UTRN: variants seen among roughly 807,000 people sequenced by gnomAD.
The protein encoded by UTRN is dystrophin-related protein 1.
A neutral mutation model predicts 463.9 loss-of-function variants in UTRN; 283 were observed. The observed-to-expected ratio is 0.61, with a 90% CI of 0.55 to 0.67. UTRN has a LOEUF of 0.67. UTRN is among the 30% of genes least tolerant of loss of function. The pLI is 0.00. For synonymous variants in UTRN, 1,442 were observed against 1,431.5 expected (o/e 1.01, Z -0.17); for missense variants, 3,922 against 4,084.3 (o/e 0.96, Z 1.08).
At chr6:144,568,701 GGAGGT>G (rs1390569764) in intron 50 of UTRN, among the ~76,000 whole-genome samples, 1 of 152,156 alleles carries the variant, frequency 6.6e-6, no homozygotes, top group Non-Finnish European at 1.5e-5. Context: ...AACTAGGGAT[GGAGGT>G]GAGAGTGGAG....
chr6:144,725,538 A>G (rs1194374484), intron 53 of UTRN, among the ~76,000 whole-genome samples: 1 of 152,216 alleles, frequency 6.6e-6, no homozygotes, highest in African/African-American at 2.4e-5. Context: ...ATTATGTTAT[A>G]TGCATTTAAG....
intron 61 of UTRN, among the ~76,000 whole-genome samples, chr6:144,785,108 G>C (rs891562372): frequency 6.6e-5 from 10 of 152,184 alleles, no homozygotes; most frequent in African/African-American, 2.4e-4. Context: ...AATTTTCTTT[G>C]AGAATCAGAT....
Position 144,754,785 on chromosome 6 carries a change from G to C in UTRN, c.8421G>C (p.Gln2807His). The C allele has an allele frequency of 6.2e-7, 1 of 1,613,368 alleles. No individual in the cohort carries two copies. Among genetic ancestry groups the C allele is most frequent in the Non-Finnish European group, 8.5e-7 (1 of 1,179,648 alleles). ...EAHRDFGPSS[Q>H]HFLSTSVQLP... ...ACAGAGATTTTGGACCATCCTCTCA[G>C]CATTTTCTCTCTAGTAAGTACTAAT... is the stretch of plus-strand genomic sequence containing the variant. The change falls in exon 57 of 75, where the codon CAG becomes CAC. Residue 2807 changes from glutamine (Q) to histidine (H), a missense_variant. Physicochemically the swap from Gln to His is conservative, Grantham distance 24. This residue lies in a region of UTRN where 1,309 missense variants were observed against 1,452.6 expected (regional missense o/e 0.90). Coordinates refer to ENST00000367545, the MANE Select transcript of UTRN (RefSeq NM_007124.3).
At chr6:144,629,674 A>T (rs1217655874) in intron 51 of UTRN, among the ~76,000 whole-genome samples, 2 of 152,098 alleles carry the variant, frequency 1.3e-5, no homozygotes, top group African/African-American at 4.8e-5. Flanking sequence ...GTGCTTTTGA[A>T]CTCCAATGTA....
intron 25 of UTRN, among the ~76,000 whole-genome samples, chr6:144,479,497 A>T (rs1057228701): frequency 4.6e-5 from 7 of 152,000 alleles, no homozygotes; most frequent in African/African-American, 1.7e-4. Flanking sequence ...TACTTCATAT[A>T]TGTGCTTTTA....
At chr6:144,743,231 C>T (rs369215439) in intron 54 of UTRN, among the ~76,000 whole-genome samples, 5 of 151,996 alleles carry the variant, frequency 3.3e-5, no homozygotes, top group Admixed American at 1.3e-4. Flanking sequence ...GGCTTTAAAA[C>T]GTAAGTGTAG....
Position 144,781,934 on chromosome 6 carries a change from A to G in UTRN, c.8645A>G (p.Glu2882Gly). The change falls in exon 61 of 75, where the codon GAG (glutamate) becomes GGG (glycine). Residue 2882 changes from glutamate to glycine, a missense_variant. Physicochemically the swap from Glu to Gly is moderately conservative, Grantham distance 98. Coordinates refer to ENST00000367545, the MANE Select transcript of UTRN (RefSeq NM_007124.3). ...CTCTCCTGGTTAGTGGATCTCTTAG[A>G]GTTGAGTACAACAAATGAAATTTTC... is the stretch of plus-strand genomic sequence containing the variant. ...LQKALCLDLLELSTTNEIFKQ... is the reference protein window; with the variant it reads ...LQKALCLDLLGLSTTNEIFKQ... 6.2e-7 allele frequency: 1 copy of G among 1,613,760 alleles called. No individual in the cohort carries two copies. The highest frequency in any genetic ancestry group is 8.5e-7 in the Non-Finnish European group (1 of 1,179,786).
intron 51 of UTRN, among the ~76,000 whole-genome samples, chr6:144,651,546 A>G (rs1026354560): frequency 1.3e-5 from 2 of 152,244 alleles, no homozygotes; most frequent in African/African-American, 4.8e-5. Flanking sequence ...GGCCAGGATG[A>G]AATAATACAG....
intron 23 of UTRN, 98 bp from the exon 24 acceptor site, chr6:144,473,622 C>A: frequency 2.6e-6 from 2 of 770,856 alleles, no homozygotes; most frequent in Non-Finnish European, 4.2e-6. Flanking sequence ...GCTATCGGAG[C>A]TTTAAAAAGT....
At chr6:144,713,421 C>T (rs1307217086) in intron 53 of UTRN, among the ~76,000 whole-genome samples, 1 of 147,612 alleles carries the variant, frequency 6.8e-6, no homozygotes, top group South Asian at 2.1e-4. Flanking sequence ...GCCTGACCAA[C>T]ATGGTGAAAC....
At chr6:144,349,266 C>A (rs1454596270) in intron 2 of UTRN, among the ~76,000 whole-genome samples, 1 of 152,186 alleles carries the variant, frequency 6.6e-6, no homozygotes, top group Admixed American at 6.5e-5. Context: ...CCTCAGCCTC[C>A]CAAAGTGCTG....
At chr6:144,319,779 C>T (rs1428802919) in intron 2 of UTRN, among the ~76,000 whole-genome samples, 1 of 152,030 alleles carries the variant, frequency 6.6e-6, no homozygotes, top group Non-Finnish European at 1.5e-5. Flanking sequence ...AACTCCTGAG[C>T]TCCAGTGATC....
chr6:144,323,077 G>A (rs1165936782), intron 2 of UTRN, among the ~76,000 whole-genome samples: 1 of 152,202 alleles, frequency 6.6e-6, no homozygotes, highest in African/African-American at 2.4e-5. Context: ...TAGGGAGTGT[G>A]TGATTCTGAT....
chr6:144,349,102 G>A (rs1295237070), intron 2 of UTRN, among the ~76,000 whole-genome samples: 4 of 151,944 alleles, frequency 2.6e-5, no homozygotes, highest in Admixed American at 1.3e-4. Flanking sequence ...TCCTCCTCCC[G>A]GGTTCACGCC....
intron 51 of UTRN, among the ~76,000 whole-genome samples, chr6:144,620,925 G>T (rs1775296716): frequency 6.6e-6 from 1 of 152,172 alleles, no homozygotes; most frequent in South Asian, 2.1e-4. Context: ...ACTTAGGTTG[G>T]TCAGGTGTAA....
At chr6:144,610,024 T>G (rs1244263161) in intron 51 of UTRN, among the ~76,000 whole-genome samples, 1 of 148,150 alleles carries the variant, frequency 6.7e-6, no homozygotes, top group Non-Finnish European at 1.5e-5. Context: ...CAAGGAACAA[T>G]AAAAAGAAGA....
At chr6:144,327,480 T>C (rs1584293751) in intron 2 of UTRN, among the ~76,000 whole-genome samples, 1 of 152,322 alleles carries the variant, frequency 6.6e-6, no homozygotes, top group South Asian at 2.1e-4. Context: ...AGGCAGCCCC[T>C]GGGTGTTGCC....
Position 144,451,006 on chromosome 6 carries a change from G to A in UTRN, c.2073-364G>A, listed in dbSNP as rs1584838170. On this transcript the variant is annotated intron_variant, in intron 17 of 74. Transcript: ENST00000367545. ...TGGGCACCTATAATCCTAGCTACTC[G>A]GGAGGCTGAGGCAGGAGAATCCTTT... Among the ~76,000 whole-genome samples, 3 of 152,024 alleles carry A rather than the reference G, an allele frequency of 2.0e-5. No homozygotes were observed. In the South Asian group the frequency reaches 6.2e-4, roughly 32 times the overall value.
chr6:144,474,692 G>C lies in UTRN; in HGVS notation c.3269G>C (p.Gly1090Ala). 1 of 1,614,108 alleles carries C rather than the reference G, an allele frequency of 6.2e-7. No homozygotes were observed. Among genetic ancestry groups the C allele is most frequent in the Non-Finnish European group, 8.5e-7 (1 of 1,179,994 alleles). ...ETNLRSGPVA[G>A]IKTWVQTRLG... ...AATCTTCGAAGTGGTCCAGTTGCTG[G>C]AATAAAAACTTGGGTGCAGACAAGA... The change falls in exon 25 of 75, where the codon GGA (glycine) becomes GCA (alanine). Residue 1090 changes from glycine (G) to alanine (A), a missense_variant. By Grantham distance (60) the Gly-to-Ala change is moderately conservative. Coordinates refer to ENST00000367545, the MANE Select transcript of UTRN (RefSeq NM_007124.3).
Sources: allele counts gnomAD v4.1 joint callset (sites outside exome capture counted in the v4.1 genomes callset), GRCh38; gene constraint gnomAD v4.1.1; regional missense constraint gnomAD v4.1.1; transcripts MANE v1.5; gene names NCBI Gene and HGNC (gene_info 2026-07-23, HGNC 2026-07-21).